Variants in TASOR2 observed in about 807,000 individuals in gnomAD.
The protein encoded by TASOR2 is protein TASOR 2.
TASOR2 carries 84 observed loss-of-function variants against 199.5 expected under a neutral mutation model. The ratio of observed to expected loss-of-function variants is 0.42; its 90% confidence interval spans 0.35 to 0.50. The LOEUF (loss-of-function observed/expected upper bound fraction) is 0.50. TASOR2 is among the 20% of genes least tolerant of loss of function. The pLI is 0.02. For synonymous variants in TASOR2, 1,103 were observed against 1,046.6 expected (o/e 1.05, Z -1.04); for missense variants, 2,796 against 2,835.9 (o/e 0.99, Z 0.32).
chr10:5,754,410 A>G lies in TASOR2; in HGVS notation c.6607-2203A>G, dbSNP rs1838539183. Among the ~76,000 whole-genome samples the G allele has an allele frequency of 6.6e-6, 1 of 150,980 alleles. No individual in the cohort carries two copies. Among genetic ancestry groups the G allele is most frequent in the African/African-American group, 2.4e-5 (1 of 41,012 alleles). ...AAGTACTTTTTTTTTTTTAATTGAG[A>G]TGAAGTTTTGCTCTTGTCGCCCAGG... On this transcript the variant is annotated intron_variant, in intron 15 of 20. Coordinates refer to ENST00000328090, the Ensembl canonical transcript of TASOR2. The surrounding 1 kb of genome is among the most constrained non-coding windows in gnomAD (Gnocchi z 4.3).
At position 5,689,113 on chromosome 10, in the gene TASOR2, T is replaced by C. The variant is rs1836134263; in HGVS notation, c.-288+3938T>C. 6.6e-6 allele frequency among the ~76,000 whole-genome samples: 1 copy of C among 152,262 alleles called. No homozygotes were observed. Among genetic ancestry groups the C allele is most frequent in the Non-Finnish European group, 1.5e-5 (1 of 68,044 alleles). Reference sequence around the variant, plus strand: ...TTATTTTGCAGCCATTCTTGAATGATGTTTTTGCTGAATACAAAAGTTGGC... The same window carrying C: ...TTATTTTGCAGCCATTCTTGAATGACGTTTTTGCTGAATACAAAAGTTGGC... On this transcript the variant is annotated intron_variant, in intron 1 of 20. Transcript: ENST00000328090. This position sits in a 1 kb window ranked among gnomAD's most constrained non-coding sequence, Gnocchi z 4.1.
Position 5,746,378 on chromosome 10 carries a change from G to A in TASOR2, c.2957G>A (p.Ser986Asn), listed in dbSNP as rs373236767. 3 of 1,614,018 alleles carry A rather than the reference G, an allele frequency of 1.9e-6. No homozygotes were observed. The African/African-American group carries it at 4.0e-5, about 22-fold the overall frequency. ...ACCAGGACTTACGATGGGCCTGGCAGTCAGCCAGTGATATGTCAGAGCTCT... is the reference window on the plus strand; with the variant it reads ...ACCAGGACTTACGATGGGCCTGGCAATCAGCCAGTGATATGTCAGAGCTCT... The change falls in exon 15 of 21, where the codon AGT becomes AAT. Residue 986 changes from serine to asparagine, a missense_variant. By Grantham distance (46) the Ser-to-Asn change is conservative (BLOSUM62 1). Around this residue, in one of 3 missense-constraint regions of TASOR2, gnomAD observed 1,941 missense variants for 1,924.9 expected, o/e 1.01. Transcript: ENST00000328090.
chr10:5,716,776 A>G (rs1327914529), intron 2 of TASOR2, among the ~76,000 whole-genome samples: 1 of 151,954 alleles, frequency 6.6e-6, no homozygotes, highest in Non-Finnish European at 1.5e-5. Flanking sequence ...TTAGCCAGGC[A>G]TGGTGGCATG....
At chr10:5,739,769 C>A in exon 13 of TASOR2, 1 of 1,614,126 alleles carries the variant, frequency 6.2e-7, no homozygotes, top group Non-Finnish European at 8.5e-7. Flanking sequence ...ACTCCCAGGC[C>A]CTAAATATGT....
At chr10:5,707,224 A>G (rs1346655359) in intron 1 of TASOR2, among the ~76,000 whole-genome samples, 1 of 152,214 alleles carries the variant, frequency 6.6e-6, no homozygotes. Context: ...TAGAAAGGCA[A>G]TTATAACTAA....
chr10:5,751,262 C>T lies in TASOR2; in HGVS notation c.6606+1235C>T, dbSNP rs1250179507. Among the ~76,000 whole-genome samples the T allele has an allele frequency of 6.6e-5, 10 of 152,158 alleles. No homozygotes were observed. Among genetic ancestry groups the T allele is most frequent in the Admixed American group, 2.6e-4 (4 of 15,276 alleles). ...ATCCTATTCCTTATCAGACTTTTAT[C>T]CACTAGATTTAACATCGACTGGTGA... On this transcript the variant is annotated intron_variant, in intron 15 of 20. Coordinates refer to ENST00000328090, the Ensembl canonical transcript of TASOR2. This position sits in a 1 kb window ranked among gnomAD's most constrained non-coding sequence, Gnocchi z 5.3.
rs1219982904 is a variant in TASOR2 at position 5,737,920 on chromosome 10, T to C, written c.1448-1698T>C. ...CAGGCTGATTTGTATTGCAAATGTC[T>C]GTAGGTATTGTGCAGCCACATTCCA... is the stretch of plus-strand genomic sequence containing the variant. On this transcript the variant is annotated intron_variant, in intron 12 of 20. Coordinates refer to ENST00000328090, the Ensembl canonical transcript of TASOR2. This position sits in a 1 kb window ranked among gnomAD's most constrained non-coding sequence, Gnocchi z 4.9. 1.3e-5 allele frequency among the ~76,000 whole-genome samples: 2 copies of C among 152,264 alleles called. No individual in the cohort carries two copies. The highest frequency in any genetic ancestry group is 3.8e-4 in the East Asian group (2 of 5,204).
At chr10:5,695,704 T>A (rs1402968679) in intron 1 of TASOR2, among the ~76,000 whole-genome samples, 1 of 151,148 alleles carries the variant, frequency 6.6e-6, no homozygotes, top group Non-Finnish European at 1.5e-5. Flanking sequence ...CAAGAGGAGG[T>A]GAGAGGAAGA....
At chr10:5,697,169 G>A (rs568825343) in intron 1 of TASOR2, among the ~76,000 whole-genome samples, 1 of 152,306 alleles carries the variant, frequency 6.6e-6, no homozygotes, top group South Asian at 2.1e-4. Flanking sequence ...TGTACCGAAT[G>A]TATAGTTCCA....
chr10:5,689,527 G>A lies in TASOR2; in HGVS notation c.-288+4352G>A, dbSNP rs1464642209. 6.6e-6 allele frequency among the ~76,000 whole-genome samples: 1 copy of A among 152,064 alleles called. No homozygotes were observed. Among genetic ancestry groups the A allele is most frequent in the Non-Finnish European group, 1.5e-5 (1 of 68,006 alleles). ...AGGCAGAAGAATTGCTTGAACTCGG[G>A]AGGCAGAGGTTGCAGTGAGCAGAGA... On this transcript the variant is annotated intron_variant, in intron 1 of 20. Coordinates refer to ENST00000328090, the Ensembl canonical transcript of TASOR2. This position sits in a 1 kb window ranked among gnomAD's most constrained non-coding sequence, Gnocchi z 4.1.
rs2071733580 is a variant in TASOR2 at position 5,748,833 on chromosome 10, G to A, written c.5412G>A (p.Glu1804=). 6.2e-7 allele frequency: 1 copy of A among 1,614,214 alleles called. No homozygotes were observed. The change falls in exon 15 of 21, where the codon GAG becomes GAA. Residue 1804 remains glutamate (E), a synonymous_variant. Coordinates refer to ENST00000328090, the Ensembl canonical transcript of TASOR2. The surrounding 1 kb of genome is among the most constrained non-coding windows in gnomAD (Gnocchi z 5.1). The stretch of plus-strand genomic sequence containing the variant: ...ACAGTGGGGAGGGGCTCAGGGCTGA[G>A]GCTGGTTCTGAAACCCTAGGCAGAG...
intron 1 of TASOR2, among the ~76,000 whole-genome samples, chr10:5,700,279 T>C (rs1186916652): frequency 6.6e-6 from 1 of 152,172 alleles, no homozygotes; most frequent in South Asian, 2.1e-4. Flanking sequence ...TTTATTTTTT[T>C]TTTATGGCTG....
rs367768231 is a variant in TASOR2 at position 5,744,043 on chromosome 10, C to T, written c.2757+1517C>T. 136 of 152,306 alleles carry T rather than the reference C, an allele frequency of 8.9e-4. 1 individual carries two copies. Among genetic ancestry groups the T allele is most frequent in the African/African-American group, 3.2e-3 (134 of 41,568 alleles). The allele number at this position is 152,306 out of a possible 1,614,324, so 9.4% of individuals were successfully genotyped here. On this transcript the variant is annotated intron_variant, in intron 14 of 20. Transcript: ENST00000328090. ...TGAGCACTCTTTCTGAATTGTCAGA[C>T]TTTATTTTAGAAGCATTACACTTTA...
chr10:5,749,469 T>G, exon 15 of TASOR2: 1 of 1,614,128 alleles, frequency 6.2e-7, no homozygotes, highest in South Asian at 1.1e-5. Flanking sequence ...TCTCCATTGG[T>G]GCTTTCCCTT....
intron 1 of TASOR2, among the ~76,000 whole-genome samples, chr10:5,700,930 G>T (rs532784196): frequency 1.3e-5 from 2 of 151,306 alleles, no homozygotes; most frequent in African/African-American, 4.8e-5. Flanking sequence ...CCATTCTGTG[G>T]GTTGTCTCTT....
At chr10:5,756,136 G>A (rs552042514) in intron 15 of TASOR2, among the ~76,000 whole-genome samples, 21 of 152,312 alleles carry the variant, frequency 1.4e-4, no homozygotes, top group African/African-American at 3.6e-4. Context: ...CAGTGGCACC[G>A]TACAATCGCA....
At chr10:5,728,321 A>G (rs968259917) in intron 10 of TASOR2, among the ~76,000 whole-genome samples, 2 of 152,052 alleles carry the variant, frequency 1.3e-5, no homozygotes, top group African/African-American at 2.4e-5. Flanking sequence ...CAATATAAAC[A>G]TGTTTTTAAA....
chr10:5,740,579 A>C lies in TASOR2; in HGVS notation c.2327+82A>C. On this transcript the variant is annotated intron_variant, in intron 13 of 20. Transcript: ENST00000328090. This position sits in a 1 kb window ranked among gnomAD's most constrained non-coding sequence, Gnocchi z 5.3. ...TAGTGAGATGGGGAAACTTATGCCA[A>C]ACTCTGGAGAAGGAGAAAGAAGTGT... 7.2e-7 allele frequency: 1 copy of C among 1,395,354 alleles called. No individual in the cohort carries two copies. The highest frequency in any genetic ancestry group is 9.7e-7 in the Non-Finnish European group (1 of 1,026,798). The allele number at this position is 1,395,354 out of a possible 1,614,324, so 86.4% of individuals were successfully genotyped here.
exon 15 of TASOR2, chr10:5,747,744 T>C (rs1173080339): frequency 4.3e-6 from 7 of 1,614,080 alleles, no homozygotes; most frequent in Non-Finnish European, 5.9e-6. Flanking sequence ...TCTCCCAATG[T>C]GAGTCAGAAG....
Sources: allele counts gnomAD v4.1 joint callset (sites outside exome capture counted in the v4.1 genomes callset), GRCh38; gene constraint gnomAD v4.1.1; regional missense constraint gnomAD v4.1.1; non-coding constraint Gnocchi (gnomAD v3.1); transcripts MANE v1.5; gene names NCBI Gene and HGNC (gene_info 2026-07-23, HGNC 2026-07-21).